Variants in USP32 observed in about 807,000 individuals in gnomAD.
USP32 encodes the protein ubiquitin specific peptidase 32, also known as ubiquitin carboxyl-terminal hydrolase 32.
USP32 carries 59 observed loss-of-function variants against 204.8 expected under a neutral mutation model. That is an observed-to-expected ratio of 0.29 (90% CI 0.23 to 0.36). USP32 has a LOEUF of 0.36. USP32 is among the 10% of genes least tolerant of loss of function. The pLI, the probability that USP32 is intolerant of heterozygous loss-of-function variation, is 1.00. For missense variants in USP32, 1,160 were observed against 1,946.4 expected (o/e 0.60, Z 7.60); for synonymous variants, 517 against 678.4 (o/e 0.76, Z 3.70).
In USP32 at chr17:60,314,027, A is replaced by G. The variant is rs149139263; in HGVS notation, c.187-12323T>C. 4.5e-3 allele frequency among the ~76,000 whole-genome samples: 678 copies of G among 152,196 alleles called. 9 individuals are homozygous for G. The highest frequency in any genetic ancestry group is 0.015 in the African/African-American group (625 of 41,562). ...CTATTATAAATATGCTCAAGAATTTAAACAAAAATAAAAACATGGAAATAG... is the reference window on the plus strand; with the variant it reads ...CTATTATAAATATGCTCAAGAATTTGAACAAAAATAAAAACATGGAAATAG... On this transcript the variant is annotated intron_variant, in intron 2 of 33. Transcript: ENST00000300896.
chr17:60,317,274 GAGGCCA>G (rs1567848823), intron 2 of USP32, among the ~76,000 whole-genome samples: 1 of 152,094 alleles, frequency 6.6e-6, no homozygotes, highest in Non-Finnish European at 1.5e-5. Context: ...AGCACTTTGG[GAGGCCA>G]AGGCACAAGG....
Position 60,223,585 on chromosome 17 carries a change from G to T in USP32, c.1434C>A (p.Gly478=). The T allele has an allele frequency of 1.3e-6, 2 of 1,577,044 alleles. No individual in the cohort carries two copies. Among genetic ancestry groups the T allele is most frequent in the Non-Finnish European group, 1.7e-6 (2 of 1,169,358 alleles). Residue 478 remains glycine (G), a splice_region_variant and synonymous_variant, in exon 14 of 34, where the codon GGC becomes GGA. Transcript: ENST00000300896. ...CCCCTGGTGTGGCAGAATACAGAAA[G>T]CCTATAAAAAAAAAAGAGGATAGAA... ...ASEASETAGS[G]FLYSATPGAD...
In USP32 at chr17:60,223,593, A is replaced by T; in HGVS notation, c.1433-7T>A. On this transcript the variant is annotated splice_polypyrimidine_tract_variant and splice_region_variant and intron_variant, in intron 13 of 33. Transcript: ENST00000300896. ...GTGGCAGAATACAGAAAGCCTATAA[A>T]AAAAAAAGAGGATAGAATCTCTTAT... 1 of 1,578,598 alleles carries T rather than the reference A, an allele frequency of 6.3e-7. No homozygotes were observed. Among genetic ancestry groups the T allele is most frequent in the Non-Finnish European group, 8.5e-7 (1 of 1,170,504 alleles).
At position 60,190,758 on chromosome 17, in the gene USP32, C is replaced by T. The variant is rs564798446; in HGVS notation, c.3522-75G>A. The T allele has an allele frequency of 5.7e-4, 878 of 1,551,700 alleles. 1 individual carries two copies. Among genetic ancestry groups the T allele is most frequent in the Non-Finnish European group, 7.2e-4 (836 of 1,159,798 alleles). On this transcript the variant is annotated intron_variant, in intron 28 of 33. Coordinates refer to ENST00000300896, the MANE Select transcript of USP32 (RefSeq NM_032582.4). ...CTAAATTTTCTTAATAAAAAATATTCTCCCTTCCTACTTTTCTGCTTTCCT... is the reference window on the plus strand; with the variant it reads ...CTAAATTTTCTTAATAAAAAATATTTTCCCTTCCTACTTTTCTGCTTTCCT...
intron 18 of USP32, 128 bp from the exon 19 acceptor site, chr17:60,212,226 T>C (rs2084987702): frequency 7.8e-6 from 6 of 764,614 alleles, no homozygotes; most frequent in African/African-American, 3.6e-5. Context: ...TTTTAGTACA[T>C]ACATTGCTTA....
chr17:60,227,028 ACT>A (rs1272191962), intron 12 of USP32, among the ~76,000 whole-genome samples: 2 of 125,764 alleles, frequency 1.6e-5, no homozygotes, highest in Admixed American at 1.8e-4. Context: ...ACAGAGTGAG[ACT>A]CTGTCTCAAA....
At chr17:60,270,037 T>G (rs1400232655) in intron 6 of USP32, among the ~76,000 whole-genome samples, 1 of 152,206 alleles carries the variant, frequency 6.6e-6, no homozygotes, top group African/African-American at 2.4e-5. Context: ...AGATACACTA[T>G]GCAACATAAG....
intron 11 of USP32, among the ~76,000 whole-genome samples, chr17:60,241,138 C>T (rs1003300656): frequency 6.6e-6 from 1 of 152,188 alleles, no homozygotes. Flanking sequence ...GCTGGAACTA[C>T]AGGTGTGCGC....
At chr17:60,387,950 A>G (rs558558298) in intron 1 of USP32, among the ~76,000 whole-genome samples, 23 of 152,264 alleles carry the variant, frequency 1.5e-4, no homozygotes, top group African/African-American at 5.5e-4. Flanking sequence ...CTTCTGCACC[A>G]TCGTAAAGTT....
At chr17:60,348,896 T>C (rs1238580362) in intron 1 of USP32, among the ~76,000 whole-genome samples, 1 of 152,180 alleles carries the variant, frequency 6.6e-6, no homozygotes, top group Non-Finnish European at 1.5e-5. Flanking sequence ...GAACCACTAG[T>C]TGAATAAGTA....
intron 1 of USP32, among the ~76,000 whole-genome samples, chr17:60,346,003 GA>G (rs1226292589): frequency 4.7e-5 from 7 of 148,170 alleles, no homozygotes; most frequent in East Asian, 3.9e-4. Flanking sequence ...TAAATAAAAA[GA>G]AAAAAAAAGA....
chr17:60,282,299 T>C (rs1053076377), intron 5 of USP32, among the ~76,000 whole-genome samples: 1 of 152,218 alleles, frequency 6.6e-6, no homozygotes, highest in African/African-American at 2.4e-5. Flanking sequence ...TTTGCAACTT[T>C]CAACAGTTCT....
intron 2 of USP32, among the ~76,000 whole-genome samples, chr17:60,309,800 C>T (rs1352176610): frequency 1.3e-5 from 2 of 151,826 alleles, no homozygotes; most frequent in African/African-American, 4.8e-5. Flanking sequence ...AATCCCAGCA[C>T]CTTCAGAGGC....
intron 2 of USP32, among the ~76,000 whole-genome samples, chr17:60,336,608 T>C (rs1226455751): frequency 6.4e-5 from 9 of 141,314 alleles, no homozygotes; most frequent in Non-Finnish European, 7.5e-5. Flanking sequence ...CCCAGCTACT[T>C]GGGAGGCTGA....
At chr17:60,367,234 A>C (rs1243048757) in intron 1 of USP32, among the ~76,000 whole-genome samples, 3 of 152,122 alleles carry the variant, frequency 2.0e-5, no homozygotes, top group Non-Finnish European at 4.4e-5. Context: ...AGAGGTCGGG[A>C]GTGGTTGCTC....
At chr17:60,304,212 T>C (rs986669176) in intron 2 of USP32, among the ~76,000 whole-genome samples, 3 of 151,888 alleles carry the variant, frequency 2.0e-5, no homozygotes, top group African/African-American at 7.3e-5. Flanking sequence ...CCAAAAATTA[T>C]AGCTGGATTA....
At chr17:60,269,420 C>G in intron 7 of USP32, 30 bp downstream of exon 7, 6 of 1,563,404 alleles carry the variant, frequency 3.8e-6, no homozygotes, top group Non-Finnish European at 5.2e-6. Context: ...ACATAGTTTG[C>G]AATTTTTTGA....
chr17:60,259,759 A>G (rs1050511276), intron 9 of USP32, among the ~76,000 whole-genome samples: 1 of 152,212 alleles, frequency 6.6e-6, no homozygotes, highest in East Asian at 1.9e-4. Flanking sequence ...CATCACCACT[A>G]TGACTGCTGC....
intron 12 of USP32, among the ~76,000 whole-genome samples, chr17:60,234,002 T>G (rs892903855): frequency 6.6e-6 from 1 of 151,974 alleles, no homozygotes; most frequent in African/African-American, 2.4e-5. Flanking sequence ...CAAACTGGAG[T>G]GTAGTGGTGT....
Sources: allele counts gnomAD v4.1 joint callset (sites outside exome capture counted in the v4.1 genomes callset), GRCh38; gene constraint gnomAD v4.1.1; transcripts MANE v1.5; gene names NCBI Gene and HGNC (gene_info 2026-07-23, HGNC 2026-07-21).